ATP2B4: variants seen among roughly 807,000 people sequenced by gnomAD.
The protein encoded by ATP2B4 is ATPase plasma membrane Ca2+ transporting 4, also known as plasma membrane calcium-transporting ATPase 4.
In ATP2B4, 39 loss-of-function variants were observed where a neutral mutation model predicts 110.3. The ratio of observed to expected loss-of-function variants is 0.35; its 90% CI spans 0.27 to 0.46. ATP2B4 has a LOEUF of 0.46. Ranked by LOEUF, ATP2B4 falls within the 20% of genes least tolerant of loss-of-function variation. The probability of loss-of-function intolerance (pLI) is 1.00; values close to 1 mark genes in which losing one functional copy is unlikely to be tolerated. For missense variants in ATP2B4, 1,135 were observed against 1,530.9 expected (o/e 0.74, Z 4.32); for synonymous variants, 538 against 571.7 (o/e 0.94, Z 0.84).
chr1:203,628,207 TTCTC>T (rs536794246), intron 1 of ATP2B4, among the ~76,000 whole-genome samples: 6 of 152,284 alleles, frequency 3.9e-5, no homozygotes, highest in Admixed American at 3.9e-4. Context: ...CTGCTCTCCC[TTCTC>T]TCTTTCTTTT....
chr1:203,638,956 C>G (rs566405034), intron 1 of ATP2B4, among the ~76,000 whole-genome samples: 6 of 152,344 alleles, frequency 3.9e-5, no homozygotes, highest in Middle Eastern at 6.8e-3. Flanking sequence ...TCCATGGCTC[C>G]TCCTCGCACA....
chr1:203,662,115 C>T (rs1055317201), intron 1 of ATP2B4, among the ~76,000 whole-genome samples: 2 of 152,004 alleles, frequency 1.3e-5, no homozygotes, highest in African/African-American at 2.4e-5. Context: ...GCTCTGCCTC[C>T]GGGTTTCACA....
In ATP2B4 at chr1:203,713,217, G is replaced by A. The variant is rs1352897227; in HGVS notation, c.2264G>A (p.Arg755Gln). The A allele has an allele frequency of 3.7e-6, 6 of 1,614,142 alleles. No homozygotes were observed. Among genetic ancestry groups the A allele is most frequent in the East Asian group, 2.2e-5 (1 of 44,872 alleles). The change falls in exon 14 of 21, where the codon CGA (arginine) becomes CAA (glutamine). Residue 755 changes from arginine to glutamine, a missense_variant. Transcript: ENST00000357681. Reference protein sequence around the residue: ...KIWPKLRVLARSSPTDKHTLV... With the variant: ...KIWPKLRVLAQSSPTDKHTLV... ...TGGCCTAAGCTTCGGGTCCTGGCGC[G>A]ATCTTCTCCCACTGACAAGCACACC...
At position 203,721,193 on chromosome 1, in the gene ATP2B4, C is replaced by T; in HGVS notation, c.2599-4C>T. The T allele has an allele frequency of 6.2e-7, 1 of 1,613,862 alleles. No homozygotes were observed. The highest frequency in any genetic ancestry group is 8.5e-7 in the Non-Finnish European group (1 of 1,179,790). Reference sequence around the variant, plus strand: ...CTAAAAGGACTGGTTCTTCTCCCCGCCAGGATTCCCCATTGAAAGCTGTGC... The same window carrying T: ...CTAAAAGGACTGGTTCTTCTCCCCGTCAGGATTCCCCATTGAAAGCTGTGC... On this transcript the variant is annotated splice_polypyrimidine_tract_variant and splice_region_variant and intron_variant, in intron 16 of 20. Coordinates refer to ENST00000357681, the MANE Select transcript of ATP2B4 (RefSeq NM_001684.5).
intron 18 of ATP2B4, 91 bp from the exon 19 acceptor site, chr1:203,723,790 T>G: frequency 2.1e-6 from 2 of 948,908 alleles, no homozygotes; most frequent in African/African-American, 1.7e-5. Context: ...TCCTGAGGAG[T>G]GGGATGATGT....
intron 20 of ATP2B4, chr1:203,733,409 T>G (rs1321786291): frequency 6.2e-7 from 1 of 1,609,400 alleles, no homozygotes; most frequent in Non-Finnish European, 8.5e-7. Flanking sequence ...CAGTGAGTGA[T>G]AGTCTATTAT....
At chr1:203,696,525 C>T (rs1665537833) in intron 2 of ATP2B4, among the ~76,000 whole-genome samples, 2 of 152,194 alleles carry the variant, frequency 1.3e-5, no homozygotes, top group Admixed American at 1.3e-4. Flanking sequence ...ACCCTTCAAA[C>T]CGGCAACCAA....
At chr1:203,731,845 G>T (rs1185317294) in intron 20 of ATP2B4, among the ~76,000 whole-genome samples, 4 of 42,844 alleles carry the variant, frequency 9.3e-5, no homozygotes, top group Middle Eastern at 0.017. Flanking sequence ...GCGAGACTCT[G>T]TCTCAAAAAA....
At chr1:203,677,527 A>G (rs1664864296) in intron 1 of ATP2B4, among the ~76,000 whole-genome samples, 1 of 152,196 alleles carries the variant, frequency 6.6e-6, no homozygotes, top group Non-Finnish European at 1.5e-5. Flanking sequence ...CAGTGGCACG[A>G]TCTTGGCTCA....
At chr1:203,659,164 C>T (rs1157784024) in intron 1 of ATP2B4, among the ~76,000 whole-genome samples, 2 of 151,660 alleles carry the variant, frequency 1.3e-5, no homozygotes, top group Non-Finnish European at 2.9e-5. Flanking sequence ...AACTTCCAAA[C>T]TAGCAGAGGG....
At chr1:203,729,576 G>A (rs748101109) in intron 20 of ATP2B4, 1 of 477,352 alleles carries the variant, frequency 2.1e-6, no homozygotes, top group Middle Eastern at 3.4e-4. Flanking sequence ...GAAGAAAAGT[G>A]GATTGCAGAC....
chr1:203,676,420 C>T (rs1323621642), intron 1 of ATP2B4, among the ~76,000 whole-genome samples: 3 of 152,086 alleles, frequency 2.0e-5, no homozygotes, highest in Non-Finnish European at 2.9e-5. Flanking sequence ...GATAAGGAGG[C>T]GGGCAGAACA....
chr1:203,691,888 C>CT lies in ATP2B4; in HGVS notation c.194-6258dup, dbSNP rs922682072. On this transcript the variant is annotated intron_variant, in intron 2 of 20. Transcript: ENST00000357681. ...TGGGGTTTTTTAAAATTAATTTTAA[C>CT]TTTTTTTTTTTGAGATGGAGTCTGG... Among the ~76,000 whole-genome samples, 202 of 148,362 alleles carry CT rather than the reference C, an allele frequency of 1.4e-3. 1 individual carries two copies. The highest frequency in any genetic ancestry group is 3.6e-3 in the African/African-American group (148 of 40,714).
chr1:203,736,474 A>ACC (rs1558059182), intron 20 of ATP2B4, among the ~76,000 whole-genome samples: 1 of 148,766 alleles, frequency 6.7e-6, no homozygotes, highest in African/African-American at 2.5e-5. Flanking sequence ...ATCCCCCCCA[A>ACC]AAAAAAAAAA....
At chr1:203,717,298 T>C (rs914270283) in intron 15 of ATP2B4, among the ~76,000 whole-genome samples, 4 of 152,246 alleles carry the variant, frequency 2.6e-5, no homozygotes, top group Admixed American at 2.0e-4. Flanking sequence ...ATTACTGGTT[T>C]TTTTTAAAAT....
At chr1:203,670,247 C>T (rs544678224) in intron 1 of ATP2B4, among the ~76,000 whole-genome samples, 1 of 151,782 alleles carries the variant, frequency 6.6e-6, no homozygotes, top group South Asian at 2.1e-4. Flanking sequence ...GGCACGATCT[C>T]AGCTCACTGC....
In ATP2B4 at chr1:203,714,606, T is replaced by C. The variant is rs542371667; in HGVS notation, c.2406+329T>C. On this transcript the variant is annotated intron_variant, in intron 15 of 20. Coordinates refer to ENST00000357681, the MANE Select transcript of ATP2B4 (RefSeq NM_001684.5). ...CCCTATGGTAGGCGCTCTGTGTGGC[T>C]GGCACCATTGGGTATTCCGCTTTTC... is the stretch of plus-strand genomic sequence containing the variant. Among the ~76,000 whole-genome samples the C allele has an allele frequency of 3.3e-4, 51 of 152,344 alleles. 1 individual carries two copies. The South Asian group carries it at 9.3e-3, about 28-fold the overall frequency.
chr1:203,670,337 G>C (rs571948280), intron 1 of ATP2B4, among the ~76,000 whole-genome samples: 61 of 152,162 alleles, frequency 4.0e-4, no homozygotes, highest in African/African-American at 1.3e-3. Context: ...TGCCACCACA[G>C]GTGGCTAATT....
chr1:203,682,219 T>A (rs1252286436), intron 1 of ATP2B4, among the ~76,000 whole-genome samples: 1 of 152,208 alleles, frequency 6.6e-6, no homozygotes, highest in Non-Finnish European at 1.5e-5. Flanking sequence ...TCTATCAAGT[T>A]GTCTTCCTTG....
Sources: allele counts gnomAD v4.1 joint callset (sites outside exome capture counted in the v4.1 genomes callset), GRCh38; gene constraint gnomAD v4.1.1; transcripts MANE v1.5; gene names NCBI Gene and HGNC (gene_info 2026-07-23, HGNC 2026-07-21).